Variants in ROR2 observed in about 807,000 individuals in gnomAD.
ROR2 encodes ROR family WNT receptor 2.
A neutral mutation model predicts 74.9 loss-of-function variants in ROR2; 33 were observed. The observed-to-expected ratio is 0.44, with a 90% CI of 0.33 to 0.59. The LOEUF is 0.59. Ranked by LOEUF, ROR2 falls within the 20% of genes least tolerant of loss-of-function variation. The probability of loss-of-function intolerance (pLI) is 0.02; values close to 1 mark genes in which losing one functional copy is unlikely to be tolerated. For synonymous variants in ROR2, 586 were observed against 558.7 expected, an observed-to-expected ratio of 1.05 and a Z score of -0.69; for missense variants, 1,216 against 1,313.8, an observed-to-expected ratio of 0.93 and a Z score of 1.15.
At chr9:91,738,529 C>T (rs1825112403) in intron 4 of ROR2, among the ~76,000 whole-genome samples, 1 of 152,170 alleles carries the variant, frequency 6.6e-6, no homozygotes, top group Non-Finnish European at 1.5e-5. Flanking sequence ...TGCAAACTTC[C>T]CTTGTTTGCA....
chr9:91,854,661 G>A (rs1829220209), intron 1 of ROR2, among the ~76,000 whole-genome samples: 1 of 152,224 alleles, frequency 6.6e-6, no homozygotes, highest in African/African-American at 2.4e-5. Flanking sequence ...GAATCTCAGG[G>A]CCCTGGAGTC....
intron 1 of ROR2, among the ~76,000 whole-genome samples, chr9:91,815,913 C>T (rs1327034839): frequency 6.6e-6 from 1 of 152,168 alleles, no homozygotes; most frequent in Non-Finnish European, 1.5e-5. Flanking sequence ...TCTCACGGCA[C>T]AAACTCGGCC....
intron 1 of ROR2, among the ~76,000 whole-genome samples, chr9:91,880,728 AGAAGTT>A (rs1830085348): frequency 6.6e-6 from 1 of 152,264 alleles, no homozygotes; most frequent in Non-Finnish European, 1.5e-5. Context: ...CCTGATAAAC[AGAAGTT>A]GTGGGATTTC....
At chr9:91,877,443 G>A (rs1465641794) in intron 1 of ROR2, among the ~76,000 whole-genome samples, 7 of 152,340 alleles carry the variant, frequency 4.6e-5, no homozygotes, top group Non-Finnish European at 7.3e-5. Flanking sequence ...GACCTCCCCA[G>A]TAAGGGGTCT....
intron 1 of ROR2, among the ~76,000 whole-genome samples, chr9:91,895,429 A>G (rs938760536): frequency 2.0e-5 from 3 of 152,266 alleles, no homozygotes; most frequent in African/African-American, 7.2e-5. Flanking sequence ...ATATCAATAT[A>G]GGTTCATCAA....
chr9:91,871,841 C>T (rs569909653), intron 1 of ROR2, among the ~76,000 whole-genome samples: 2 of 152,024 alleles, frequency 1.3e-5, no homozygotes, highest in Admixed American at 6.6e-5. Context: ...GTCGAGAGAC[C>T]CCCCCAGCAC....
At chr9:91,931,291 G>A (rs868266137) in intron 1 of ROR2, among the ~76,000 whole-genome samples, 1 of 152,182 alleles carries the variant, frequency 6.6e-6, no homozygotes, top group Non-Finnish European at 1.5e-5. Context: ...AGGAAGAACT[G>A]TAATATTAAT....
chr9:91,796,851 G>A (rs376726197), intron 1 of ROR2, among the ~76,000 whole-genome samples: 3 of 125,220 alleles, frequency 2.4e-5, no homozygotes, highest in Non-Finnish European at 4.8e-5. Context: ...GGCTCTGTGG[G>A]TGGGGCTGAC....
intron 1 of ROR2, among the ~76,000 whole-genome samples, chr9:91,935,277 GC>G (rs1831653139): frequency 6.6e-6 from 1 of 152,210 alleles, no homozygotes; most frequent in African/African-American, 2.4e-5. Context: ...AAGCACCCCT[GC>G]CCCTGCCCTG....
intron 1 of ROR2, among the ~76,000 whole-genome samples, chr9:91,891,268 T>G (rs1232015917): frequency 3.3e-5 from 5 of 149,540 alleles, no homozygotes; most frequent in Admixed American, 1.3e-4. Flanking sequence ...TTTTTTTTTT[T>G]TCTTCTTTTG....
At chr9:91,843,580 G>A (rs1828844144) in intron 1 of ROR2, among the ~76,000 whole-genome samples, 1 of 152,204 alleles carries the variant, frequency 6.6e-6, no homozygotes, top group Non-Finnish European at 1.5e-5. Flanking sequence ...CTCCTAAAGG[G>A]CTGTGACCCC....
chr9:91,748,773 C>T (rs909349579), intron 4 of ROR2, among the ~76,000 whole-genome samples: 1 of 152,248 alleles, frequency 6.6e-6, no homozygotes, highest in African/African-American at 2.4e-5. Context: ...TGGCTCACGC[C>T]TGCAATCCCA....
In ROR2 at chr9:91,948,924, G is replaced by A. The variant is rs1832088924; in HGVS notation, c.97+943C>T. The A allele has an allele frequency of 8.1e-6, 8 of 985,376 alleles. No homozygotes were observed. The South Asian group carries it at 2.8e-4, about 35-fold the overall frequency. The allele number at this position is 985,376 out of a possible 1,614,324, so 61.0% of individuals were successfully genotyped here. A position where few individuals can be genotyped will look rare whatever the true frequency, so the allele number is the denominator to read the frequency against. On this transcript the variant is annotated intron_variant, in intron 1 of 8. Transcript: ENST00000375708. Reference sequence around the variant, plus strand: ...TGCTCCCGGAGTCTGCACCGCCAGAGCTAACGCCGCCTCCTCCAGGCAACC... The same window carrying A: ...TGCTCCCGGAGTCTGCACCGCCAGAACTAACGCCGCCTCCTCCAGGCAACC...
intron 1 of ROR2, among the ~76,000 whole-genome samples, chr9:91,855,497 C>A (rs542029535): frequency 6.6e-6 from 1 of 152,332 alleles, no homozygotes; most frequent in South Asian, 2.1e-4. Context: ...AGGTTCATCT[C>A]CCACAGCACT....
chr9:91,760,296 C>T (rs765184992), intron 2 of ROR2, among the ~76,000 whole-genome samples: 7 of 152,200 alleles, frequency 4.6e-5, no homozygotes, highest in Non-Finnish European at 1.0e-4. Flanking sequence ...GGCAACATCA[C>T]ATTTGTTAAA....
At chr9:91,744,794 T>C (rs553328885) in intron 4 of ROR2, among the ~76,000 whole-genome samples, 37 of 152,314 alleles carry the variant, frequency 2.4e-4, no homozygotes, top group Admixed American at 1.4e-3. Flanking sequence ...GAGAAGACAA[T>C]GGCTCTGAGG....
intron 1 of ROR2, among the ~76,000 whole-genome samples, chr9:91,890,830 T>C (rs981108179): frequency 6.6e-6 from 1 of 152,202 alleles, no homozygotes; most frequent in Non-Finnish European, 1.5e-5. Flanking sequence ...AAGAATCCTT[T>C]TATGGAGTTA....
chr9:91,924,115 T>C (rs1435336903), intron 1 of ROR2, among the ~76,000 whole-genome samples: 1 of 152,236 alleles, frequency 6.6e-6, no homozygotes, highest in East Asian at 1.9e-4. Context: ...CTGCTGCCTG[T>C]CTGCACTGAG....
chr9:91,865,560 T>G (rs1047437547), intron 1 of ROR2, among the ~76,000 whole-genome samples: 2 of 152,248 alleles, frequency 1.3e-5, no homozygotes, highest in African/African-American at 4.8e-5. Context: ...TACCTTATTC[T>G]AAGCAAGGAA....
Sources: gnomAD v4.1 joint callset for allele counts (sites outside exome capture counted in the v4.1 genomes callset) on GRCh38, gnomAD v4.1.1 for gene constraint, MANE v1.5 for transcripts, NCBI Gene and HGNC (gene_info 2026-07-23, HGNC 2026-07-21) for gene names.